FHIT: variants seen among roughly 807,000 people sequenced by gnomAD.
FHIT encodes bis(5'-adenosyl)-triphosphatase.
In FHIT, 19 loss-of-function variants were observed where a neutral mutation model predicts 17.9. The observed-to-expected ratio is 1.06, with a 90% CI of 0.74 to 1.56. The LOEUF is 1.56. Ranked by LOEUF, FHIT falls within the 40% of genes most tolerant of loss-of-function variation. The probability of loss-of-function intolerance (pLI) is 0.00; values close to 1 mark genes in which losing one functional copy is unlikely to be tolerated. For synonymous variants in FHIT, 81 were observed against 69.7 expected, an observed-to-expected ratio of 1.16 and a Z score of -0.81; for missense variants, 248 against 189.2, an observed-to-expected ratio of 1.31 and a Z score of -1.82.
intron 7 of FHIT, among the ~76,000 whole-genome samples, chr3:60,001,076 C>T (rs1035369953): frequency 6.6e-6 from 1 of 152,214 alleles, no homozygotes; most frequent in Admixed American, 6.5e-5. Flanking sequence ...CCCCATTCCC[C>T]TTCCACCATG....
Position 60,342,006 on chromosome 3 carries a change from A to G in FHIT, c.103+194854T>C, listed in dbSNP as rs112986273. Among the ~76,000 whole-genome samples the G allele has an allele frequency of 9.7e-3, 1,474 of 152,312 alleles. 20 individuals are homozygous for G. Among genetic ancestry groups the G allele is most frequent in the Middle Eastern group, 0.048 (14 of 294 alleles). ...ATTGGGTGAAAAAGAAAAAAGAAAAAAAACTCTCAGCAAAGCAAGAGGGGA... is the reference window on the plus strand; with the variant it reads ...ATTGGGTGAAAAAGAAAAAAGAAAAGAAACTCTCAGCAAAGCAAGAGGGGA... On this transcript the variant is annotated intron_variant, in intron 5 of 9. Coordinates refer to ENST00000492590, the MANE Select transcript of FHIT (RefSeq NM_002012.4).
At chr3:60,386,481 T>C (rs116405839) in intron 5 of FHIT, among the ~76,000 whole-genome samples, 51 of 152,286 alleles carry the variant, frequency 3.3e-4, no homozygotes, top group African/African-American at 1.2e-3. Context: ...TTGTTCCTCT[T>C]CCTGTACTCT....
intron 2 of FHIT, among the ~76,000 whole-genome samples, chr3:61,092,689 T>C (rs1195810454): frequency 1.3e-5 from 2 of 152,164 alleles, no homozygotes; most frequent in East Asian, 3.8e-4. Context: ...TAGTTTGTTC[T>C]CTTAGAAAGA....
intron 3 of FHIT, among the ~76,000 whole-genome samples, chr3:60,895,173 C>G (rs922367133): frequency 6.6e-6 from 1 of 152,148 alleles, no homozygotes; most frequent in Non-Finnish European, 1.5e-5. Context: ...GAGGACAGGC[C>G]TGTGGCTTTT....
intron 4 of FHIT, chr3:60,537,476 A>T (rs2036026494): frequency 1.0e-6 from 1 of 983,324 alleles, no homozygotes; most frequent in Admixed American, 6.1e-5. Context: ...ACAATTACAA[A>T]AACATGAGCA....
intron 5 of FHIT, among the ~76,000 whole-genome samples, chr3:60,328,543 A>G (rs1709813889): frequency 6.6e-6 from 1 of 152,068 alleles, no homozygotes; most frequent in African/African-American, 2.4e-5. Flanking sequence ...CATAGGAAAA[A>G]CCTGCCCCCA....
At chr3:60,355,508 T>C (rs921333031) in intron 5 of FHIT, among the ~76,000 whole-genome samples, 1 of 152,044 alleles carries the variant, frequency 6.6e-6, no homozygotes, top group African/African-American at 2.4e-5. Context: ...AAAATGACAT[T>C]GCATGATTAA....
chr3:60,882,755 A>G (rs570723933), intron 3 of FHIT, among the ~76,000 whole-genome samples: 1 of 152,258 alleles, frequency 6.6e-6, no homozygotes, highest in Non-Finnish European at 1.5e-5. Context: ...CATACCTAAC[A>G]TTATACTGAA....
chr3:61,195,846 T>C (rs995941645), intron 2 of FHIT, among the ~76,000 whole-genome samples: 5 of 152,264 alleles, frequency 3.3e-5, no homozygotes, highest in African/African-American at 9.6e-5. Flanking sequence ...ACCTATGAAA[T>C]TGACATGCTA....
At chr3:60,635,000 T>G (rs1553683407) in intron 4 of FHIT, among the ~76,000 whole-genome samples, 1 of 152,068 alleles carries the variant, frequency 6.6e-6, no homozygotes, top group Non-Finnish European at 1.5e-5. Context: ...GCCTCCTGAG[T>G]AGCTAGAGCT....
intron 5 of FHIT, among the ~76,000 whole-genome samples, chr3:60,037,906 G>C (rs968811448): frequency 2.1e-4 from 32 of 151,944 alleles, no homozygotes; most frequent in African/African-American, 7.5e-4. Flanking sequence ...TAGAGACAGG[G>C]TTTCATTGTA....
At chr3:60,872,352 T>C (rs529114823) in intron 3 of FHIT, among the ~76,000 whole-genome samples, 102 of 152,276 alleles carry the variant, frequency 6.7e-4, no homozygotes, top group African/African-American at 2.3e-3. Context: ...AATCCTGTAA[T>C]TCATTTTGGT....
At chr3:61,209,596 G>T (rs1431448253) in intron 1 of FHIT, among the ~76,000 whole-genome samples, 1 of 151,870 alleles carries the variant, frequency 6.6e-6, no homozygotes, top group Non-Finnish European at 1.5e-5. Context: ...TCTTCCAGTT[G>T]ATCGCATCGG....
chr3:60,193,151 C>A (rs371600304), intron 5 of FHIT, among the ~76,000 whole-genome samples: 7 of 152,206 alleles, frequency 4.6e-5, no homozygotes, highest in Admixed American at 2.0e-4. Context: ...GAAATATGAA[C>A]ACTTAGAATG....
At chr3:59,903,261 T>C (rs144739364) in intron 8 of FHIT, among the ~76,000 whole-genome samples, 178 of 152,204 alleles carry the variant, frequency 1.2e-3, no homozygotes, top group African/African-American at 3.9e-3. Flanking sequence ...AGTAGATTAG[T>C]AGTTTCCAGG....
At chr3:60,107,088 A>T (rs1160808360) in intron 5 of FHIT, among the ~76,000 whole-genome samples, 2 of 151,530 alleles carry the variant, frequency 1.3e-5, no homozygotes, top group Non-Finnish European at 2.9e-5. Context: ...CAATCTGGGC[A>T]CTATTTTCCT....
intron 5 of FHIT, among the ~76,000 whole-genome samples, chr3:60,299,222 A>T (rs1269531299): frequency 6.6e-6 from 1 of 152,078 alleles, no homozygotes; most frequent in Non-Finnish European, 1.5e-5. Context: ...CATGCGGTAG[A>T]TTCCATTGCT....
At chr3:59,842,715 G>T (rs1171483621) in intron 8 of FHIT, among the ~76,000 whole-genome samples, 1 of 152,132 alleles carries the variant, frequency 6.6e-6, no homozygotes, top group African/African-American at 2.4e-5. Context: ...CTTCTCTGGA[G>T]AAGTGTCTAT....
chr3:61,056,366 G>A, intron 2 of FHIT, among the ~76,000 whole-genome samples: 1 of 152,352 alleles, frequency 6.6e-6, no homozygotes, highest in East Asian at 1.9e-4. Flanking sequence ...TGGTTCAATA[G>A]ATCTTTGTCA....
Sources: gnomAD v4.1 joint callset for allele counts (sites outside exome capture counted in the v4.1 genomes callset) on GRCh38, gnomAD v4.1.1 for gene constraint, MANE v1.5 for transcripts, NCBI Gene and HGNC (gene_info 2026-07-23, HGNC 2026-07-21) for gene names.